TAFA2: variants seen among roughly 807,000 people sequenced by gnomAD.
The protein encoded by TAFA2 is TAFA chemokine like family member 2.
In TAFA2, 7 loss-of-function variants were observed where a neutral mutation model predicts 18.8. That is an observed-to-expected ratio of 0.37 (90% CI 0.21 to 0.70). TAFA2 has a LOEUF of 0.70. Among genes scored for constraint, TAFA2 ranks in the 30% least tolerant of loss-of-function variants. TAFA2 has a pLI of 0.53. For synonymous variants in TAFA2, 60 were observed against 54.2 expected, an observed-to-expected ratio of 1.11 and a Z score of -0.47; for missense variants, 122 against 158.1, an observed-to-expected ratio of 0.77 and a Z score of 1.23.
intron 1 of TAFA2, among the ~76,000 whole-genome samples, chr12:62,035,132 A>T (rs1881563923): frequency 6.6e-6 from 1 of 152,072 alleles, no homozygotes; most frequent in African/African-American, 2.4e-5. Flanking sequence ...TATGTGTCAA[A>T]AATAGTTGAT....
chr12:61,742,895 G>A (rs190081439), intron 4 of TAFA2, among the ~76,000 whole-genome samples: 267 of 151,734 alleles, frequency 1.8e-3, no homozygotes, highest in African/African-American at 6.3e-3. Flanking sequence ...CTTACTTCAG[G>A]CCCATTAACT....
At chr12:61,726,131 G>A (rs895581775) in intron 4 of TAFA2, among the ~76,000 whole-genome samples, 3 of 151,274 alleles carry the variant, frequency 2.0e-5, no homozygotes, top group Non-Finnish European at 4.4e-5. Context: ...TGTTTTCAGG[G>A]ACTCTTTTTT....
intron 1 of TAFA2, among the ~76,000 whole-genome samples, chr12:61,938,230 T>TAAAAAAAAAAAAA (rs1157161976): frequency 6.1e-5 from 6 of 98,452 alleles, no homozygotes; most frequent in African/African-American, 2.3e-4. Context: ...ATAGATATGG[T>TAAAAAAAAAAAAA]AAAAAAAAAA....
chr12:61,740,079 T>C (rs1438633286), intron 4 of TAFA2, among the ~76,000 whole-genome samples: 8 of 152,136 alleles, frequency 5.3e-5, no homozygotes, highest in African/African-American at 1.9e-4. Context: ...CACTGCCTGA[T>C]ATTACCCAGT....
chr12:61,776,982 GTAGT>G (rs2120866501), intron 2 of TAFA2, among the ~76,000 whole-genome samples: 1 of 151,986 alleles, frequency 6.6e-6, no homozygotes, highest in African/African-American at 2.4e-5. Context: ...AGTGTGAAAT[GTAGT>G]TAGTAAGTGG....
chr12:61,928,115 A>G (rs1221220606), intron 1 of TAFA2, among the ~76,000 whole-genome samples: 2 of 152,242 alleles, frequency 1.3e-5, no homozygotes, highest in African/African-American at 4.8e-5. Context: ...AGACTTCATG[A>G]CTAAAACATC....
At chr12:61,747,005 TCAAA>T (rs1309259126) in intron 4 of TAFA2, among the ~76,000 whole-genome samples, 1 of 151,828 alleles carries the variant, frequency 6.6e-6, no homozygotes, top group Admixed American at 6.6e-5. Flanking sequence ...TACAATGAGC[TCAAA>T]CAAATTTACA....
intron 1 of TAFA2, among the ~76,000 whole-genome samples, chr12:62,089,122 G>T (rs147046417): frequency 2.0e-5 from 3 of 152,096 alleles, no homozygotes; most frequent in Non-Finnish European, 4.4e-5. Context: ...TGAAATAACT[G>T]TTAAACGAAA....
intron 1 of TAFA2, among the ~76,000 whole-genome samples, chr12:62,142,980 G>A (rs2062250486): frequency 6.6e-6 from 1 of 152,152 alleles, no homozygotes; most frequent in Non-Finnish European, 1.5e-5. Context: ...GTCAAGGAAT[G>A]TACTCAAAGC....
intron 1 of TAFA2, among the ~76,000 whole-genome samples, chr12:62,251,351 T>C (rs1213269614): frequency 6.6e-6 from 1 of 152,126 alleles, no homozygotes; most frequent in South Asian, 2.1e-4. Flanking sequence ...CATAAGAAAG[T>C]GGTGAGCTCA....
intron 1 of TAFA2, among the ~76,000 whole-genome samples, chr12:62,168,341 A>G (rs1339840182): frequency 6.6e-6 from 1 of 152,240 alleles, no homozygotes; most frequent in Non-Finnish European, 1.5e-5. Context: ...GCCCAAAAAA[A>G]TCTAAATTGA....
chr12:62,224,125 G>T (rs551140934), intron 1 of TAFA2, among the ~76,000 whole-genome samples: 1 of 140,378 alleles, frequency 7.1e-6, no homozygotes, highest in Admixed American at 7.1e-5. Context: ...ACACACAATG[G>T]AATATTATTC....
chr12:62,148,520 C>G (rs1190403413), intron 1 of TAFA2, among the ~76,000 whole-genome samples: 1 of 151,932 alleles, frequency 6.6e-6, no homozygotes, highest in East Asian at 1.9e-4. Flanking sequence ...AAGTTGGGAA[C>G]AATAAACACT....
chr12:62,039,071 T>G (rs1351113964), intron 1 of TAFA2, among the ~76,000 whole-genome samples: 2 of 152,110 alleles, frequency 1.3e-5, no homozygotes, highest in African/African-American at 4.8e-5. Context: ...AGGGACCCAC[T>G]AAAAAATTCT....
At chr12:62,130,105 T>A (rs888484182) in intron 1 of TAFA2, among the ~76,000 whole-genome samples, 1 of 152,024 alleles carries the variant, frequency 6.6e-6, no homozygotes, top group East Asian at 1.9e-4. Flanking sequence ...TTAGCAGCTA[T>A]TTTTAACAGT....
intron 1 of TAFA2, among the ~76,000 whole-genome samples, chr12:62,158,130 A>G (rs1041957646): frequency 2.6e-5 from 4 of 152,208 alleles, no homozygotes; most frequent in Non-Finnish European, 4.4e-5. Flanking sequence ...AATTCTTTAA[A>G]CCACAATCAA....
At chr12:61,939,462 A>T (rs1877907041) in intron 1 of TAFA2, among the ~76,000 whole-genome samples, 1 of 152,192 alleles carries the variant, frequency 6.6e-6, no homozygotes, top group Admixed American at 6.5e-5. Flanking sequence ...TCTATGTGGA[A>T]TTAGTCAAAC....
intron 2 of TAFA2, among the ~76,000 whole-genome samples, chr12:61,818,958 T>C (rs536573106): frequency 6.6e-6 from 1 of 152,360 alleles, no homozygotes; most frequent in African/African-American, 2.4e-5. Flanking sequence ...GTAAGGCGAT[T>C]CAAACACTTG....
At chr12:62,215,707 C>A (rs1353978511) in intron 1 of TAFA2, among the ~76,000 whole-genome samples, 1 of 121,526 alleles carries the variant, frequency 8.2e-6, no homozygotes. Flanking sequence ...TTAAGAGAAA[C>A]AACTTGTTTC....
Sources: gnomAD v4.1 joint callset for allele counts (sites outside exome capture counted in the v4.1 genomes callset) on GRCh38, gnomAD v4.1.1 for gene constraint, MANE v1.5 for transcripts, NCBI Gene and HGNC (gene_info 2026-07-23, HGNC 2026-07-21) for gene names.